Variants in PARP2 observed in about 807,000 individuals in gnomAD.
PARP2 encodes poly(ADP-ribose) polymerase 2.
PARP2 carries 57 observed loss-of-function variants against 77.8 expected under a neutral mutation model. The observed-to-expected ratio is 0.73, with a 90% CI of 0.59 to 0.91. PARP2 has a LOEUF of 0.91. Among genes scored for constraint, PARP2 ranks in the 40% least tolerant of loss-of-function variants. The pLI is 0.00. For missense variants in PARP2, 651 were observed against 689.0 expected (o/e 0.94, Z 0.62); for synonymous variants, 226 against 242.6 (o/e 0.93, Z 0.64).
At position 20,350,642 on chromosome 14, in the gene PARP2, T is replaced by C. The variant is rs1326255809; in HGVS notation, c.421+20T>C. 6.8e-7 allele frequency: 1 copy of C among 1,480,254 alleles called. No homozygotes were observed. The highest frequency in any genetic ancestry group is 1.1e-5 in the South Asian group (1 of 88,160). The allele number at this position is 1,480,254 out of a possible 1,614,324, so 91.7% of individuals were successfully genotyped here. ...GCCGAGGTAATGATTTTTATTGAGA[T>C]TTTATGAGTTGGCATTCAGAAAGTC... On this transcript the variant is annotated intron_variant, in intron 5 of 15. Coordinates refer to ENST00000429687, the MANE Select transcript of PARP2 (RefSeq NM_001042618.2).
At chr14:20,347,919 C>T (rs1883828930) in intron 4 of PARP2, among the ~76,000 whole-genome samples, 1 of 150,078 alleles carries the variant, frequency 6.7e-6, no homozygotes, top group Non-Finnish European at 1.5e-5. Context: ...GTCACCCAGG[C>T]TGGAGTGCAG....
chr14:20,354,657 G>T, intron 8 of PARP2, 152 bp from the exon 9 acceptor site: 1 of 718,496 alleles, frequency 1.4e-6, no homozygotes, highest in Non-Finnish European at 2.3e-6. Flanking sequence ...TTTGTGCCAC[G>T]GCACTCAGCC....
chr14:20,352,289 T>G lies in PARP2; in HGVS notation c.542T>G (p.Phe181Cys). 6.2e-7 allele frequency: 1 copy of G among 1,613,550 alleles called. No homozygotes were observed. Among genetic ancestry groups the G allele is most frequent in the Non-Finnish European group, 8.5e-7 (1 of 1,179,434 alleles). The part of the protein sequence containing the change: ...TKNNWEDREK[F>C]EKVPGKYDML... ...AACAATTGGGAAGATCGAGAAAAGT[T>G]TGAGAAGGTGCCTGGAAAATATGAT... The change falls in exon 7 of 16, where the codon TTT becomes TGT. Residue 181 changes from phenylalanine (F) to cysteine (C), a missense_variant. Physicochemically the swap from Phe to Cys is radical, Grantham distance 205 (BLOSUM62 -2). Transcript: ENST00000429687.
At chr14:20,345,301 T>G (rs1883673155) in intron 2 of PARP2, 93 bp from the exon 3 acceptor site, 11 of 1,204,960 alleles carry the variant, frequency 9.1e-6, no homozygotes, top group Non-Finnish European at 1.3e-5. Context: ...CCAGGATTGG[T>G]TGGGCGGGCA....
intron 11 of PARP2, 106 bp downstream of exon 11, chr14:20,356,137 C>T: frequency 6.9e-7 from 1 of 1,450,546 alleles, no homozygotes; most frequent in Non-Finnish European, 9.4e-7. Flanking sequence ...TCAATTAGGG[C>T]AGACTTTTTA....
chr14:20,352,391 T>A (rs756905568), intron 7 of PARP2, 44 bp downstream of exon 7: 1 of 1,250,624 alleles, frequency 8.0e-7, no homozygotes, highest in Non-Finnish European at 1.2e-6. Flanking sequence ...TCTTCTTTTT[T>A]TATTTTATTT....
rs1884211496 is a variant in PARP2, at chr14:20,357,730, A to G, written c.1646A>G (p.Tyr549Cys). Reference sequence around the variant, plus strand: ...CTCAACTACAATGAATATATTGTATATAACCCCAACCAGGTCCGTATGCGG... The same window carrying G: ...CTCAACTACAATGAATATATTGTATGTAACCCCAACCAGGTCCGTATGCGG... The part of the protein sequence containing the change: ...YTLNYNEYIV[Y>C]NPNQVRMRYL... Residue 549 changes from tyrosine (Y) to cysteine (C), a missense_variant, in exon 16 of 16, where the codon TAT becomes TGT. Transcript: ENST00000429687. The G allele has an allele frequency of 1.2e-6, 2 of 1,613,158 alleles. No individual in the cohort carries two copies. The highest frequency in any genetic ancestry group is 8.5e-7 in the Non-Finnish European group (1 of 1,179,092).
intron 3 of PARP2, 80 bp downstream of exon 3, chr14:20,345,544 G>T: frequency 9.7e-7 from 1 of 1,026,476 alleles, no homozygotes. Flanking sequence ...TGTCTGGGAT[G>T]CTGTTAGTAC....
In PARP2 at chr14:20,357,073, C is replaced by T; in HGVS notation, c.1352C>T (p.Ala451Val). 2 of 1,611,042 alleles carry T rather than the reference C, an allele frequency of 1.2e-6. No individual in the cohort carries two copies. Among genetic ancestry groups the T allele is most frequent in the Non-Finnish European group, 1.7e-6 (2 of 1,177,176 alleles). The change falls in exon 14 of 16, where the codon GCT becomes GTT. Residue 451 changes from alanine to valine, a missense_variant. By Grantham distance (64) the Ala-to-Val change is moderately conservative. Transcript: ENST00000429687. ...GYMFGKGIYFADMSSKSANYC... is the reference protein window; with the variant it reads ...GYMFGKGIYFVDMSSKSANYC... ...CAGTTTGGGAAAGGAATCTACTTTGCTGACATGTCTTCCAAGAGTGCCAAT... is the reference window on the plus strand; with the variant it reads ...CAGTTTGGGAAAGGAATCTACTTTGTTGACATGTCTTCCAAGAGTGCCAAT...
rs1884087215 is a variant in PARP2, at chr14:20,354,887, A to G, written c.842A>G (p.His281Arg). The G allele has an allele frequency of 6.2e-7, 1 of 1,614,114 alleles. No homozygotes were observed. Among genetic ancestry groups the G allele is most frequent in the Non-Finnish European group, 8.5e-7 (1 of 1,179,992 alleles). The change falls in exon 9 of 16, where the codon CAT becomes CGT. Residue 281 changes from histidine (H) to arginine (R), a missense_variant. Physicochemically the swap from His to Arg is conservative, Grantham distance 29. Coordinates refer to ENST00000429687, the MANE Select transcript of PARP2 (RefSeq NM_001042618.2). ...GAGGATTGTATTCGGGCTGGCCAGCATGGACGAGCTCTCATGGAAGCATGC... is the reference window on the plus strand; with the variant it reads ...GAGGATTGTATTCGGGCTGGCCAGCGTGGACGAGCTCTCATGGAAGCATGC... ...KIEDCIRAGQ[H>R]GRALMEACNE...
intron 4 of PARP2, among the ~76,000 whole-genome samples, chr14:20,347,311 G>C (rs55683405): frequency 8.6e-4 from 101 of 117,148 alleles, no homozygotes; most frequent in Non-Finnish European, 1.5e-3. Flanking sequence ...GGATTACCAG[G>C]TGTAAGCCAC....
intron 6 of PARP2, 138 bp from the exon 7 acceptor site, chr14:20,352,107 A>T (rs1288136928): frequency 6.0e-6 from 3 of 504,072 alleles, no homozygotes; most frequent in African/African-American, 5.9e-5. Flanking sequence ...GAATTAGACT[A>T]ATTTTGATTT....
rs757752103 is a variant in PARP2 at position 20,355,973 on chromosome 14, A to G, written c.1043A>G (p.His348Arg). Residue 348 changes from histidine to arginine, a missense_variant, in exon 11 of 16, where the codon CAC (histidine) becomes CGC (arginine). His to Arg is a conservative substitution (Grantham distance 29). Coordinates refer to ENST00000429687, the MANE Select transcript of PARP2 (RefSeq NM_001042618.2). The part of the protein sequence containing the change: ...LQSPEHPLDQ[H>R]YRNLHCALRP... ...AGCCCAGAACACCCATTGGACCAAC[A>G]CTATAGAAACCTACATTGTGCCTTG... The G allele has an allele frequency of 6.2e-7, 1 of 1,614,104 alleles. No individual in the cohort carries two copies. The highest frequency in any genetic ancestry group is 1.3e-5 in the African/African-American group (1 of 75,054).
At chr14:20,349,622 G>A (rs184370750) in intron 4 of PARP2, among the ~76,000 whole-genome samples, 142 of 151,316 alleles carry the variant, frequency 9.4e-4, no homozygotes, top group Middle Eastern at 3.5e-3. Context: ...GGCAATGAGC[G>A]GAGGTTGCAC....
At chr14:20,347,007 TC>T in intron 4 of PARP2, 94 bp downstream of exon 4, 10 of 704,798 alleles carry the variant, frequency 1.4e-5, no homozygotes, top group South Asian at 4.0e-5. Flanking sequence ...ATCTTTAAAG[TC>T]CCTTTTTTTT....
chr14:20,355,120 G>A (rs1884097950), intron 9 of PARP2, 173 bp downstream of exon 9: 2 of 576,112 alleles, frequency 3.5e-6, no homozygotes, highest in Non-Finnish European at 5.8e-6. Context: ...TACAAATATG[G>A]GATGCAATCT....
chr14:20,345,299 G>T, intron 2 of PARP2, 95 bp from the exon 3 acceptor site: 1 of 1,180,612 alleles, frequency 8.5e-7, no homozygotes, highest in Non-Finnish European at 1.2e-6. Flanking sequence ...GACCAGGATT[G>T]GTTGGGCGGG....
At position 20,343,657 on chromosome 14, in the gene PARP2, C is replaced by T. The variant is rs898757585; in HGVS notation, c.16C>T (p.Arg6Ter). The change falls in exon 1 of 16, where the codon CGA becomes TGA. Residue 6 changes from arginine (R) to a stop codon, truncating the protein, a stop_gained. Coordinates refer to ENST00000429687, the MANE Select transcript of PARP2 (RefSeq NM_001042618.2). LOFTEE classifies it high-confidence loss of function. ...TTCGAATTCCATGGCGGCGCGGCGG[C>T]GACGGAGCACCGGCGGCGGCAGGGC... is the stretch of plus-strand genomic sequence containing the variant. The part of the protein sequence containing the change: MAARR[R>*]RSTGGGRARA... The T allele has an allele frequency of 6.2e-7, 1 of 1,610,416 alleles. No individual in the cohort carries two copies. The highest frequency in any genetic ancestry group is 1.3e-5 in the African/African-American group (1 of 74,906).
At chr14:20,354,998 C>A (rs760479195) in intron 9 of PARP2, 51 bp downstream of exon 9, 11 of 1,471,060 alleles carry the variant, frequency 7.5e-6, no homozygotes, top group Admixed American at 6.5e-5. Flanking sequence ...TACATATCCC[C>A]TGTATCCATC....
Sources: allele counts gnomAD v4.1 joint callset (sites outside exome capture counted in the v4.1 genomes callset), GRCh38; gene constraint gnomAD v4.1.1; transcripts MANE v1.5; gene names NCBI Gene and HGNC (gene_info 2026-07-23, HGNC 2026-07-21).